TMEM132D: variants seen among roughly 807,000 people sequenced by gnomAD.
The protein encoded by TMEM132D is mature OL transmembrane protein.
TMEM132D carries 21 observed loss-of-function variants against 62.3 expected under a neutral mutation model. The ratio of observed to expected loss-of-function variants is 0.34; its 90% CI spans 0.24 to 0.49. The LOEUF is 0.49. Among genes scored for constraint, TMEM132D ranks in the 20% least tolerant of loss-of-function variants. The pLI is 0.99. For synonymous variants in TMEM132D, 621 were observed against 575.6 expected (o/e 1.08, Z -1.13); for missense variants, 1,346 against 1,402.8 (o/e 0.96, Z 0.65).
At chr12:129,580,017 C>T (rs2137125732) in intron 2 of TMEM132D, among the ~76,000 whole-genome samples, 1 of 152,272 alleles carries the variant, frequency 6.6e-6, no homozygotes, top group East Asian at 1.9e-4. Context: ...GACGCATCAT[C>T]ACATTGACCA....
intron 2 of TMEM132D, among the ~76,000 whole-genome samples, chr12:129,608,153 C>G (rs547300882): frequency 1.3e-5 from 2 of 152,306 alleles, no homozygotes; most frequent in South Asian, 4.1e-4. Flanking sequence ...GGAGTTTTAT[C>G]TACCCCTCTT....
intron 3 of TMEM132D, among the ~76,000 whole-genome samples, chr12:129,447,955 G>T (rs1228357993): frequency 3.3e-5 from 5 of 152,116 alleles, no homozygotes; most frequent in Non-Finnish European, 5.9e-5. Flanking sequence ...TTGACAACAA[G>T]AATTATGTCT....
rs1403055676 is a variant in TMEM132D, at chr12:129,903,981, G to C, written c.-642C>G. Among the ~76,000 whole-genome samples the C allele has an allele frequency of 6.0e-5, 9 of 149,076 alleles. No homozygotes were observed. The South Asian group carries it at 1.5e-3, about 24-fold the overall frequency. On this transcript the variant is annotated 5_prime_UTR_variant, in exon 1 of 9. Transcript: ENST00000422113. The surrounding 1 kb of genome is among the most constrained non-coding windows in gnomAD (Gnocchi z 6.2). ...CCGCCGCCTCGGCCCGCCCGGCCCC[G>C]GGCCCGGCTGGGGCTCGCGGGGCTC...
At chr12:129,574,115 T>G (rs1023699900) in intron 2 of TMEM132D, among the ~76,000 whole-genome samples, 4 of 151,942 alleles carry the variant, frequency 2.6e-5, no homozygotes, top group Non-Finnish European at 2.9e-5. Flanking sequence ...AAACTCGAAT[T>G]AGTGAGAGGC....
intron 1 of TMEM132D, among the ~76,000 whole-genome samples, chr12:129,712,799 G>A (rs141631702): frequency 1.4e-4 from 21 of 152,210 alleles, no homozygotes; most frequent in African/African-American, 1.9e-4. Context: ...CCTCTCCTTC[G>A]CTTTCTTCCT....
intron 4 of TMEM132D, among the ~76,000 whole-genome samples, chr12:129,312,776 C>A (rs1269150945): frequency 6.6e-6 from 1 of 152,110 alleles, no homozygotes; most frequent in Admixed American, 6.5e-5. Context: ...CAAATTCTTG[C>A]CCCCTCCATC....
chr12:129,142,459 T>A (rs992098255), intron 5 of TMEM132D, among the ~76,000 whole-genome samples: 6 of 152,214 alleles, frequency 3.9e-5, no homozygotes, highest in African/African-American at 1.4e-4. Flanking sequence ...TATCCTTTGA[T>A]TACTGTGTGT....
chr12:129,565,958 A>G lies in TMEM132D; in HGVS notation c.969-34753T>C, dbSNP rs79977258. Reference sequence around the variant, plus strand: ...GTAAACATTATTACTTTTATTAAATATTTGTCCTCAAATGCACGTCTTTTT... The same window carrying G: ...GTAAACATTATTACTTTTATTAAATGTTTGTCCTCAAATGCACGTCTTTTT... On this transcript the variant is annotated intron_variant, in intron 2 of 8. Transcript: ENST00000422113. Among the ~76,000 whole-genome samples, 186 of 152,308 alleles carry G rather than the reference A, an allele frequency of 1.2e-3. 4 individuals carry two copies. The East Asian group carries it at 0.036, about 29-fold the overall frequency.
At chr12:129,076,223 G>T (rs924549069) in intron 8 of TMEM132D, among the ~76,000 whole-genome samples, 2 of 152,194 alleles carry the variant, frequency 1.3e-5, no homozygotes, top group South Asian at 4.1e-4. Context: ...AAATGTTTGG[G>T]CATGGCATTT....
intron 2 of TMEM132D, among the ~76,000 whole-genome samples, chr12:129,636,737 T>TGTGTGTGTGTGTGTGAGAAAGA (rs375868329): frequency 1.8e-5 from 2 of 113,562 alleles, no homozygotes; most frequent in Admixed American, 9.9e-5. Context: ...TGTGTGTGTG[T>TGTGTGTGTGTGTGTGAGAAAGA]GAGAGAGAGA....
At chr12:129,683,738 C>T (rs1215307715) in intron 2 of TMEM132D, among the ~76,000 whole-genome samples, 1 of 152,138 alleles carries the variant, frequency 6.6e-6, no homozygotes, top group African/African-American at 2.4e-5. Flanking sequence ...AGTAATGTAC[C>T]TGAGGTGGGG....
At chr12:129,301,716 C>T (rs1265586685) in intron 4 of TMEM132D, among the ~76,000 whole-genome samples, 1 of 152,080 alleles carries the variant, frequency 6.6e-6, no homozygotes, top group Non-Finnish European at 1.5e-5. Context: ...TAATTAAAGC[C>T]ACCCTCCTCC....
chr12:129,324,055 C>T (rs915096616), intron 4 of TMEM132D, among the ~76,000 whole-genome samples: 1 of 151,930 alleles, frequency 6.6e-6, no homozygotes, highest in African/African-American at 2.4e-5. Context: ...TCATGTGTTT[C>T]CCAGCTTCTG....
At chr12:129,462,682 G>A (rs1174908656) in intron 3 of TMEM132D, among the ~76,000 whole-genome samples, 1 of 152,172 alleles carries the variant, frequency 6.6e-6, no homozygotes, top group Admixed American at 6.5e-5. Context: ...TACAGAAATT[G>A]CTTGCACAAA....
chr12:129,114,447 T>C (rs1040771789), intron 5 of TMEM132D, among the ~76,000 whole-genome samples: 4 of 150,204 alleles, frequency 2.7e-5, no homozygotes, highest in Non-Finnish European at 5.9e-5. Context: ...CTCCCTCCCT[T>C]TTCTTTTCTC....
chr12:129,077,986 A>G (rs1451594733), intron 8 of TMEM132D, among the ~76,000 whole-genome samples: 1 of 152,228 alleles, frequency 6.6e-6, no homozygotes, highest in African/African-American at 2.4e-5. Flanking sequence ...CTGGTTCCAA[A>G]TAAAGTAAAA....
At chr12:129,759,092 C>A (rs1162745811) in intron 1 of TMEM132D, among the ~76,000 whole-genome samples, 1 of 152,032 alleles carries the variant, frequency 6.6e-6, no homozygotes, top group African/African-American at 2.4e-5. Flanking sequence ...CATCATCATG[C>A]CTGGCTAATT....
intron 3 of TMEM132D, among the ~76,000 whole-genome samples, chr12:129,502,959 G>A (rs1229830068): frequency 2.0e-5 from 3 of 152,162 alleles, no homozygotes; most frequent in Admixed American, 2.0e-4. Context: ...TAACCTTCAT[G>A]AGGGCAAGAA....
intron 2 of TMEM132D, among the ~76,000 whole-genome samples, chr12:129,665,645 C>G (rs1356245176): frequency 6.6e-6 from 1 of 152,048 alleles, no homozygotes; most frequent in Non-Finnish European, 1.5e-5. Flanking sequence ...GGTTTCTAGA[C>G]TTTGCAACAA....
Sources: gnomAD v4.1 joint callset for allele counts (sites outside exome capture counted in the v4.1 genomes callset) on GRCh38, gnomAD v4.1.1 for gene constraint, Gnocchi (gnomAD v3.1) non-coding constraint, MANE v1.5 for transcripts, NCBI Gene and HGNC (gene_info 2026-07-23, HGNC 2026-07-21) for gene names.